The following HACE1 variants were observed in gnomAD, a reference collection of about 807,000 sequenced individuals.
HACE1 encodes HECT domain and ankyrin repeat containing E3 ubiquitin protein ligase 1, also known as E3 ubiquitin-protein ligase HACE1.
A neutral mutation model predicts 118.4 loss-of-function variants in HACE1; 73 were observed. That is an observed-to-expected ratio of 0.62 (90% CI 0.51 to 0.75). The LOEUF (loss-of-function observed/expected upper bound fraction) is 0.75. Among genes scored for constraint, HACE1 ranks in the 30% least tolerant of loss-of-function variants. The pLI, the probability that HACE1 is intolerant of heterozygous loss-of-function variation, is 0.00. For missense variants in HACE1, 749 were observed against 1,102.2 expected (o/e 0.68, Z 4.54); for synonymous variants, 368 against 374.8 (o/e 0.98, Z 0.21).
At chr6:104,846,501 G>A (rs908639977) in intron 4 of HACE1, among the ~76,000 whole-genome samples, 1 of 152,134 alleles carries the variant, frequency 6.6e-6, no homozygotes, top group Admixed American at 6.5e-5. Flanking sequence ...AAATTACACA[G>A]GGACCAGTCA....
intron 20 of HACE1, among the ~76,000 whole-genome samples, 195 bp downstream of exon 20, chr6:104,750,146 G>T (rs1356010832): frequency 6.6e-6 from 1 of 152,062 alleles, no homozygotes; most frequent in East Asian, 1.9e-4. Flanking sequence ...TTAAGGAGCT[G>T]CTTATCTGGT....
At chr6:104,793,672 A>G (rs942355976) in intron 10 of HACE1, among the ~76,000 whole-genome samples, 5 of 152,234 alleles carry the variant, frequency 3.3e-5, no homozygotes, top group Non-Finnish European at 5.9e-5. Flanking sequence ...TACTTCACAT[A>G]ATGGGTTAAG....
intron 4 of HACE1, among the ~76,000 whole-genome samples, chr6:104,848,592 C>T (rs752079106): frequency 6.6e-6 from 1 of 151,982 alleles, no homozygotes; most frequent in Non-Finnish European, 1.5e-5. Context: ...AATGTTAGCA[C>T]TAAAAGGAGT....
intron 19 of HACE1, among the ~76,000 whole-genome samples, chr6:104,769,557 C>T (rs950225214): frequency 6.6e-6 from 1 of 152,160 alleles, no homozygotes; most frequent in African/African-American, 2.4e-5. Context: ...CACTCACTGG[C>T]AAATCATATA....
Position 104,771,389 on chromosome 6 carries a change from C to G in HACE1, c.2015G>C (p.Gly672Ala). Residue 672 changes from glycine to alanine, a missense_variant and splice_region_variant, in exon 19 of 24, where the codon GGT (glycine) becomes GCT (alanine). Gly to Ala is a moderately conservative substitution (Grantham distance 60). This residue lies in a region of HACE1 where 195 missense variants were observed against 322.1 expected (regional missense o/e 0.61). Transcript: ENST00000262903. Reference sequence around the variant, plus strand: ...CACATCTTGGTAATTTACAGGAATACCTAAAAAATGCAAACATACAGCAGT... The same window carrying G: ...CACATCTTGGTAATTTACAGGAATAGCTAAAAAATGCAAACATACAGCAGT... ...FTRSFYKHILGIPVNYQDVAS... is the reference protein window; with the variant it reads ...FTRSFYKHILAIPVNYQDVAS... 1.2e-6 allele frequency: 2 copies of G among 1,605,348 alleles called. No homozygotes were observed. The highest frequency in any genetic ancestry group is 1.7e-6 in the Non-Finnish European group (2 of 1,172,456).
intron 22 of HACE1, chr6:104,731,651 C>T (rs1374717240): frequency 6.6e-6 from 1 of 151,942 alleles, no homozygotes; most frequent in African/African-American, 2.4e-5. Flanking sequence ...GTTGGGAAAA[C>T]CGGATATTCA....
At chr6:104,772,460 C>T (rs977706460) in intron 17 of HACE1, among the ~76,000 whole-genome samples, 6 of 152,098 alleles carry the variant, frequency 3.9e-5, no homozygotes, top group African/African-American at 1.2e-4. Context: ...ATAGGCTGTT[C>T]GCTAGGACAG....
chr6:104,811,538 G>A (rs1159464808), intron 6 of HACE1, 145 bp from the exon 7 acceptor site: 3 of 572,062 alleles, frequency 5.2e-6, no homozygotes, highest in Non-Finnish European at 1.0e-5. Context: ...CAATTACTAT[G>A]GCTGAGCAAA....
rs1253623319 is a variant in HACE1 at position 104,771,370 on chromosome 6, T to G, written c.2034A>C (p.Gln678His). 1 of 1,611,480 alleles carries G rather than the reference T, an allele frequency of 6.2e-7. No homozygotes were observed. The highest frequency in any genetic ancestry group is 8.5e-7 in the Non-Finnish European group (1 of 1,177,840). ...KHILGIPVNYQDVASIDPEYA... is the reference protein window; with the variant it reads ...KHILGIPVNYHDVASIDPEYA... ...ATTCTGGATCAATGGATGCCACATC[T>G]TGGTAATTTACAGGAATACCTAAAA... Residue 678 changes from glutamine (Q) to histidine (H), a missense_variant, in exon 19 of 24, where the codon CAA becomes CAC. By Grantham distance (24) the Gln-to-His change is conservative. This residue lies in a region of HACE1 where 195 missense variants were observed against 322.1 expected (regional missense o/e 0.61). Transcript: ENST00000262903.
intron 6 of HACE1, 150 bp downstream of exon 6, chr6:104,832,892 C>G: frequency 1.4e-6 from 1 of 709,198 alleles, no homozygotes; most frequent in South Asian, 1.5e-5. Context: ...AAGTGAGGCC[C>G]TGTCTCAAAA....
At chr6:104,776,015 G>C (rs1781198759) in intron 17 of HACE1, among the ~76,000 whole-genome samples, 1 of 152,184 alleles carries the variant, frequency 6.6e-6, no homozygotes, top group African/African-American at 2.4e-5. Flanking sequence ...AAGTTAGAGA[G>C]CTCTCAAATA....
At chr6:104,849,315 A>C in intron 3 of HACE1, 69 bp from the exon 4 acceptor site, 1 of 944,362 alleles carries the variant, frequency 1.1e-6, no homozygotes, top group South Asian at 1.3e-5. Context: ...GTTCAATTAA[A>C]AAACAAAATA....
At chr6:104,850,773 C>T (rs556623430) in intron 3 of HACE1, 134 bp downstream of exon 3, 33 of 762,520 alleles carry the variant, frequency 4.3e-5, no homozygotes, top group African/African-American at 2.9e-4. Context: ...GCACACCACG[C>T]GCTCAAACAG....
chr6:104,733,733 T>A lies in HACE1; in HGVS notation c.2514-3317A>T, dbSNP rs117270660. Reference sequence around the variant, plus strand: ...GCGAAGTGATGTGTGCACCTGTAATTGGAGGCTAAGGAAGGAGAATCGCTT... The same window carrying A: ...GCGAAGTGATGTGTGCACCTGTAATAGGAGGCTAAGGAAGGAGAATCGCTT... On this transcript the variant is annotated intron_variant, in intron 22 of 23. Coordinates refer to ENST00000262903, the MANE Select transcript of HACE1 (RefSeq NM_020771.4). Among the ~76,000 whole-genome samples, 1,127 of 149,836 alleles carry A rather than the reference T, an allele frequency of 7.5e-3. 11 individuals are homozygous for A. Among genetic ancestry groups the A allele is most frequent in the Non-Finnish European group, 0.012 (778 of 67,594 alleles).
rs1214350207 is a variant in HACE1 at position 104,771,224 on chromosome 6, C to A, written c.2180G>T (p.Gly727Val). 11 of 1,612,886 alleles carry A rather than the reference C, an allele frequency of 6.8e-6. No homozygotes were observed. The highest frequency in any genetic ancestry group is 2.2e-5 in the South Asian group (2 of 91,054). ...AMEEVPLKPG[G>V]GSILVTQNNK... ...ATTTTGTGTCACAAGAATACTCCCA[C>A]CCCCAGGTTTCAAAGGCACCTCTTC... The change falls in exon 19 of 24, where the codon GGT becomes GTT. Residue 727 changes from glycine to valine, a missense_variant. Gly to Val is a moderately radical substitution (Grantham distance 109). This residue lies in a region of HACE1 where 165 missense variants were observed against 229.9 expected (regional missense o/e 0.72). Transcript: ENST00000262903.
At chr6:104,783,096 C>G (rs1251875820) in intron 14 of HACE1, among the ~76,000 whole-genome samples, 1 of 152,176 alleles carries the variant, frequency 6.6e-6, no homozygotes, top group Non-Finnish European at 1.5e-5. Flanking sequence ...AAAATTTCTG[C>G]TGCAATACTG....
chr6:104,853,053 T>C (rs200147032), intron 1 of HACE1, among the ~76,000 whole-genome samples: 1 of 152,176 alleles, frequency 6.6e-6, no homozygotes, highest in Non-Finnish European at 1.5e-5. Context: ...ATTATGGCAG[T>C]GTGAAGAGGT....
At chr6:104,747,451 G>A (rs985543488) in intron 20 of HACE1, among the ~76,000 whole-genome samples, 1 of 152,016 alleles carries the variant, frequency 6.6e-6, no homozygotes, top group Non-Finnish European at 1.5e-5. Context: ...CTTTAACTCA[G>A]ATGCACATCT....
At chr6:104,753,892 G>A (rs545992003) in intron 19 of HACE1, among the ~76,000 whole-genome samples, 82 of 152,262 alleles carry the variant, frequency 5.4e-4, no homozygotes, top group African/African-American at 1.9e-3. Context: ...GCACAGAACT[G>A]GTCTGAGGCT....
Sources: allele counts gnomAD v4.1 joint callset (sites outside exome capture counted in the v4.1 genomes callset), GRCh38; gene constraint gnomAD v4.1.1; regional missense constraint gnomAD v4.1.1; transcripts MANE v1.5; gene names NCBI Gene and HGNC (gene_info 2026-07-23, HGNC 2026-07-21).